The following PRKCZ variants were observed in gnomAD, a reference collection of about 807,000 sequenced individuals.
The protein encoded by PRKCZ is protein kinase C zeta.
PRKCZ carries 33 observed loss-of-function variants against 79.5 expected under a neutral mutation model. That is an observed-to-expected ratio of 0.41 (90% CI 0.31 to 0.55). The LOEUF (loss-of-function observed/expected upper bound fraction) is 0.55, where lower values mean the gene tolerates loss of function less well. Ranked by LOEUF, PRKCZ falls within the 20% of genes least tolerant of loss-of-function variation. PRKCZ has a pLI of 0.19. For synonymous variants in PRKCZ, 342 were observed against 320.9 expected (o/e 1.07, Z -0.70); for missense variants, 578 against 813.5 (o/e 0.71, Z 3.52).
At chr1:2,072,845 C>G (rs1661726979) in intron 4 of PRKCZ, among the ~76,000 whole-genome samples, 1 of 152,130 alleles carries the variant, frequency 6.6e-6, no homozygotes, top group Admixed American at 6.5e-5. Flanking sequence ...GGACACTCCC[C>G]TCTGTCCCTC....
At position 2,172,290 on chromosome 1, in the gene PRKCZ, T is replaced by C. The variant is rs752638233; in HGVS notation, c.1198-11T>C. On this transcript the variant is annotated splice_polypyrimidine_tract_variant and intron_variant, in intron 12 of 17. Coordinates refer to ENST00000378567, the MANE Select transcript of PRKCZ (RefSeq NM_002744.6). This position sits in a 1 kb window ranked among gnomAD's most constrained non-coding sequence, Gnocchi z 7.8. ...TACAAGAACCCTCTCCCAGTAACTT[T>C]GCCCCCACAGGAAGGCCTGGGCCCT... is the stretch of plus-strand genomic sequence containing the variant. The C allele has an allele frequency of 2.0e-5, 32 of 1,613,486 alleles. 1 individual carries two copies. In the South Asian group the frequency reaches 3.5e-4, roughly 18 times the overall value.
intron 4 of PRKCZ, among the ~76,000 whole-genome samples, chr1:2,091,528 A>G (rs994393655): frequency 6.6e-6 from 1 of 150,832 alleles, no homozygotes; most frequent in Non-Finnish European, 1.5e-5. Context: ...CCTCGCTGAC[A>G]CTCCCGACTT....
Position 2,172,273 on chromosome 1 carries a change from C to T in PRKCZ, c.1198-28C>T, listed in dbSNP as rs1165652800. On this transcript the variant is annotated intron_variant, in intron 12 of 17. Transcript: ENST00000378567. The surrounding 1 kb of genome is among the most constrained non-coding windows in gnomAD (Gnocchi z 7.8). ...TCCCGCGGGGTAGTGTCTACAAGAA[C>T]CCTCTCCCAGTAACTTTGCCCCCAC... 6 of 1,613,416 alleles carry T rather than the reference C, an allele frequency of 3.7e-6. No homozygotes were observed. Among genetic ancestry groups the T allele is most frequent in the African/African-American group, 1.3e-5 (1 of 74,946 alleles).
chr1:2,092,603 A>G (rs56896449), intron 4 of PRKCZ, among the ~76,000 whole-genome samples: 12,573 of 152,296 alleles, frequency 0.083, 1,747 homozygotes, highest in African/African-American at 0.28. Flanking sequence ...TGTTTAAGGT[A>G]TAAATTCATT....
intron 16 of PRKCZ, among the ~76,000 whole-genome samples, chr1:2,175,608 G>T (rs1469970922): frequency 1.3e-5 from 2 of 149,834 alleles, no homozygotes; most frequent in Non-Finnish European, 3.0e-5. Context: ...GACAGAGCCG[G>T]GGCTGTGTGG....
At chr1:2,153,873 C>G (rs1680396755) in intron 9 of PRKCZ, among the ~76,000 whole-genome samples, 1 of 152,182 alleles carries the variant, frequency 6.6e-6, no homozygotes, top group Non-Finnish European at 1.5e-5. Context: ...TGGATGGTTT[C>G]TAGAAATTTC....
chr1:2,116,987 T>C (rs1175838710), intron 4 of PRKCZ, among the ~76,000 whole-genome samples: 1 of 152,164 alleles, frequency 6.6e-6, no homozygotes, highest in Non-Finnish European at 1.5e-5. Flanking sequence ...GACCTCACTC[T>C]TGCCCAGGCT....
Position 2,050,467 on chromosome 1 carries a change from C to A in PRKCZ, c.-164C>A. On this transcript the variant is annotated 5_prime_UTR_variant, in exon 1 of 18. Transcript: ENST00000378567. ...GGTCCCGCCCCGCGCGCCCCCCGCT[C>A]CCGCCCCGCGCGCCGCCGGAGTTCC... The A allele has an allele frequency of 3.8e-6, 1 of 262,926 alleles. No individual in the cohort carries two copies. Among genetic ancestry groups the A allele is most frequent in the South Asian group, 1.4e-4 (1 of 6,914 alleles). The allele number at this position is 262,926 out of a possible 1,614,324, so 16.3% of individuals were successfully genotyped here. A position where few individuals can be genotyped will look rare whatever the true frequency, so the allele number is the denominator to read the frequency against.
chr1:2,061,155 C>G (rs780467218), intron 4 of PRKCZ, among the ~76,000 whole-genome samples: 1 of 152,324 alleles, frequency 6.6e-6, no homozygotes, highest in Non-Finnish European at 1.5e-5. Flanking sequence ...CTGTGCTCCT[C>G]TGTCCCATGT....
At chr1:2,089,896 T>TA (rs79100542) in intron 4 of PRKCZ, among the ~76,000 whole-genome samples, 10,728 of 151,454 alleles carry the variant, frequency 0.071, 1,120 homozygotes, top group African/African-American at 0.21. Flanking sequence ...GAGATCCCAT[T>TA]AAAAAAAATC....
Position 2,172,122 on chromosome 1 carries a change from C to A in PRKCZ, c.1129C>A (p.Leu377Met). ...CGAGAGGGGGATCATCTACAGGGAC[C>A]TGAAGCTGGACAACGTCCTCCTGGA... ...LHERGIIYRD[L>M]KLDNVLLDAD... The change falls in exon 12 of 18, where the codon CTG becomes ATG. Residue 377 changes from leucine (L) to methionine (M), a missense_variant. Leu to Met is a conservative substitution (Grantham distance 15). Around this residue, in one of 4 missense-constraint regions of PRKCZ, gnomAD observed 243 missense variants for 467.0 expected, o/e 0.52. Coordinates refer to ENST00000378567, the MANE Select transcript of PRKCZ (RefSeq NM_002744.6). This position sits in a 1 kb window ranked among gnomAD's most constrained non-coding sequence, Gnocchi z 7.8. 6.2e-7 allele frequency: 1 copy of A among 1,613,544 alleles called. No individual in the cohort carries two copies.
intron 4 of PRKCZ, among the ~76,000 whole-genome samples, chr1:2,088,742 G>A (rs529230391): frequency 1.0e-3 from 155 of 152,278 alleles, no homozygotes; most frequent in African/African-American, 3.6e-3. Flanking sequence ...CCCAGGCGGC[G>A]GCGTCTCTTC....
rs1456747078 is a variant in PRKCZ at position 2,094,531 on chromosome 1, G to A, written c.334+34940G>A. Among the ~76,000 whole-genome samples, 8 of 136,950 alleles carry A rather than the reference G, an allele frequency of 5.8e-5. No individual in the cohort carries two copies. Among genetic ancestry groups the A allele is most frequent in the South Asian group, 2.4e-4 (1 of 4,114 alleles). The allele number at this position is 136,950 out of a possible 152,430, so 89.8% of individuals were successfully genotyped here. On this transcript the variant is annotated intron_variant, in intron 4 of 17. Coordinates refer to ENST00000378567, the MANE Select transcript of PRKCZ (RefSeq NM_002744.6). This position sits in a 1 kb window ranked among gnomAD's most constrained non-coding sequence, Gnocchi z 7.3. ...GCTCGTTGAACCTTGGGCGCTGCCC[G>A]TTCTGAGGCGCCCTCTGTGCCCGGC...
chr1:2,181,099 G>A (rs1279939066), intron 16 of PRKCZ, among the ~76,000 whole-genome samples: 3 of 21,608 alleles, frequency 1.4e-4, no homozygotes, highest in African/African-American at 5.6e-4. Context: ...CCCCACCCCC[G>A]CCACCTCCAC....
intron 4 of PRKCZ, chr1:2,071,255 T>C (rs111660505): frequency 2.9e-4 from 102 of 353,574 alleles, no homozygotes; most frequent in African/African-American, 2.0e-3. Context: ...TCCTGGAACA[T>C]AGTAAGTGCT....
At chr1:2,166,698 C>T (rs570992902) in intron 10 of PRKCZ, among the ~76,000 whole-genome samples, 20 of 152,220 alleles carry the variant, frequency 1.3e-4, no homozygotes, top group African/African-American at 4.8e-4. Context: ...CACGACATGG[C>T]GAGTGTGGCT....
intron 4 of PRKCZ, among the ~76,000 whole-genome samples, chr1:2,064,084 TGATCCACCCACC>T (rs1223271898): frequency 6.6e-6 from 1 of 152,128 alleles, no homozygotes; most frequent in African/African-American, 2.4e-5. Flanking sequence ...CGACCTCAAG[TGATCCACCCACC>T]TCGGCCTCCC....
intron 8 of PRKCZ, among the ~76,000 whole-genome samples, chr1:2,150,364 G>C (rs72925864): frequency 0.046 from 7,060 of 152,210 alleles, 498 homozygotes; most frequent in African/African-American, 0.16. Context: ...GGGAGCTCTT[G>C]GCAGGCATTA....
At chr1:2,109,669 A>G (rs1669324883) in intron 4 of PRKCZ, among the ~76,000 whole-genome samples, 1 of 152,134 alleles carries the variant, frequency 6.6e-6, no homozygotes, top group African/African-American at 2.4e-5. Flanking sequence ...GCTCACGCCC[A>G]CTGCAGTGTC....
Sources: allele counts gnomAD v4.1 joint callset (sites outside exome capture counted in the v4.1 genomes callset), GRCh38; gene constraint gnomAD v4.1.1; regional missense constraint gnomAD v4.1.1; non-coding constraint Gnocchi (gnomAD v3.1); transcripts MANE v1.5; gene names NCBI Gene and HGNC (gene_info 2026-07-23, HGNC 2026-07-21).